The following DCDC2C variants were observed in gnomAD, a reference collection of about 807,000 sequenced individuals.
The protein encoded by DCDC2C is doublecortin domain containing 2C, also known as doublecortin domain-containing protein 2C.
A neutral mutation model predicts 45.0 loss-of-function variants in DCDC2C; 44 were observed. The observed-to-expected ratio is 0.98, with a 90% confidence interval of 0.77 to 1.26. The LOEUF (loss-of-function observed/expected upper bound fraction) is 1.26, where lower values mean the gene tolerates loss of function less well. DCDC2C is among the 50% of genes most tolerant of loss of function. DCDC2C has a pLI of 0.00. For missense variants in DCDC2C, 447 were observed against 468.9 expected (o/e 0.95, Z 0.43); for synonymous variants, 187 against 178.8 (o/e 1.05, Z -0.37).
chr2:3,781,259 A>G (rs1343513640), intron 9 of DCDC2C, among the ~76,000 whole-genome samples: 1 of 152,266 alleles, frequency 6.6e-6, no homozygotes, highest in African/African-American at 2.4e-5. Flanking sequence ...CCTGCTCTCA[A>G]TGAACTGTAG....
intron 10 of DCDC2C, among the ~76,000 whole-genome samples, chr2:3,798,789 T>C (rs1346495102): frequency 6.6e-6 from 1 of 152,168 alleles, no homozygotes; most frequent in Non-Finnish European, 1.5e-5. Context: ...CCTTTCTCTC[T>C]GGCTGTGCTT....
intron 10 of DCDC2C, among the ~76,000 whole-genome samples, chr2:3,832,824 T>G (rs1168671802): frequency 6.6e-6 from 1 of 152,340 alleles, no homozygotes; most frequent in East Asian, 1.9e-4. Flanking sequence ...TATACTGCAC[T>G]TCCCCAGAGG....
At chr2:3,747,077 G>A (rs73144849) in intron 4 of DCDC2C, among the ~76,000 whole-genome samples, 10,889 of 152,220 alleles carry the variant, frequency 0.072, 467 homozygotes, top group African/African-American at 0.12. Context: ...AGATGGCCCT[G>A]GTGGCTACAT....
In DCDC2C at chr2:3,797,545, G is replaced by A. The variant is rs548191046; in HGVS notation, c.1065+12445G>A. Among the ~76,000 whole-genome samples the A allele has an allele frequency of 9.5e-3, 1,364 of 144,092 alleles. 17 individuals carry two copies. The highest frequency in any genetic ancestry group is 0.033 in the African/African-American group (1,275 of 39,070). The allele number at this position is 144,092 out of a possible 152,430, so 94.5% of individuals were successfully genotyped here. ...TCCCTCTACACACTGCTTTGAATGCGTCCCAGAGATTCTGGTATGTTGTGT... is the reference window on the plus strand; with the variant it reads ...TCCCTCTACACACTGCTTTGAATGCATCCCAGAGATTCTGGTATGTTGTGT... On this transcript the variant is annotated intron_variant, in intron 10 of 10. Coordinates refer to ENST00000399143, the MANE Select transcript of DCDC2C (RefSeq NM_001287444.2).
intron 10 of DCDC2C, among the ~76,000 whole-genome samples, chr2:3,808,478 G>A (rs2148210441): frequency 1.3e-5 from 2 of 152,046 alleles, no homozygotes; most frequent in East Asian, 3.9e-4. Flanking sequence ...TGCAACCTCT[G>A]CCTCCCAGGT....
intron 10 of DCDC2C, among the ~76,000 whole-genome samples, chr2:3,842,637 TA>T (rs3067135): frequency 0.012 from 1,687 of 139,172 alleles, 22 homozygotes; most frequent in African/African-American, 0.039. Flanking sequence ...TAATTTGCAG[TA>T]AAAAAAAAAA....
intron 10 of DCDC2C, among the ~76,000 whole-genome samples, chr2:3,808,785 C>T (rs553683729): frequency 3.5e-4 from 53 of 152,332 alleles, no homozygotes; most frequent in East Asian, 7.7e-4. Flanking sequence ...TTTTCTCTCA[C>T]GGATTGTGCC....
At chr2:3,816,703 T>G (rs1671566911) in intron 10 of DCDC2C, among the ~76,000 whole-genome samples, 1 of 152,242 alleles carries the variant, frequency 6.6e-6, no homozygotes, top group South Asian at 2.1e-4. Flanking sequence ...CTATCCACTT[T>G]AAGAGAGACT....
intron 2 of DCDC2C, among the ~76,000 whole-genome samples, chr2:3,714,816 C>G (rs1668308418): frequency 6.6e-6 from 1 of 152,230 alleles, no homozygotes; most frequent in African/African-American, 2.4e-5. Context: ...AACCAATACT[C>G]ACTTCCACTA....
rs1405501131 is a variant in DCDC2C, at chr2:3,818,846, G to A, written c.1066-28308G>A. Among the ~76,000 whole-genome samples the A allele has an allele frequency of 6.6e-6, 1 of 152,140 alleles. No individual in the cohort carries two copies. Among genetic ancestry groups the A allele is most frequent in the Non-Finnish European group, 1.5e-5 (1 of 68,046 alleles). On this transcript the variant is annotated intron_variant, in intron 10 of 10. Transcript: ENST00000399143. This position sits in a 1 kb window ranked among gnomAD's most constrained non-coding sequence, Gnocchi z 4.7. Reference sequence around the variant, plus strand: ...TGTGGCTGTAGCCCAGGAATAGTCAGGGAAGTAGATAATTTAGTTAAAATG... The same window carrying A: ...TGTGGCTGTAGCCCAGGAATAGTCAAGGAAGTAGATAATTTAGTTAAAATG...
chr2:3,774,053 A>T (rs1670260247), intron 8 of DCDC2C, among the ~76,000 whole-genome samples: 1 of 152,216 alleles, frequency 6.6e-6, no homozygotes, highest in Non-Finnish European at 1.5e-5. Flanking sequence ...AGAGAAAGAG[A>T]TAAGAATAAG....
intron 2 of DCDC2C, 35 bp downstream of exon 2, chr2:3,708,635 A>G (rs1236880022): frequency 1.3e-6 from 2 of 1,490,930 alleles, no homozygotes; most frequent in Admixed American, 2.2e-5. Flanking sequence ...ATAATGGAAT[A>G]AATTGGCCAA....
At chr2:3,776,437 A>G (rs532916327) in intron 8 of DCDC2C, among the ~76,000 whole-genome samples, 1 of 152,118 alleles carries the variant, frequency 6.6e-6, no homozygotes, top group Non-Finnish European at 1.5e-5. Flanking sequence ...ACCAAACCCA[A>G]CACATTCCCC....
At chr2:3,813,462 T>C (rs1268972091) in intron 10 of DCDC2C, among the ~76,000 whole-genome samples, 1 of 152,088 alleles carries the variant, frequency 6.6e-6, no homozygotes, top group African/African-American at 2.4e-5. Flanking sequence ...TGAATATCCT[T>C]GTTAATTTTC....
intron 10 of DCDC2C, among the ~76,000 whole-genome samples, chr2:3,821,218 G>A (rs1490591983): frequency 6.6e-6 from 1 of 152,200 alleles, no homozygotes; most frequent in Non-Finnish European, 1.5e-5. Context: ...AATGTCATCA[G>A]TTAAGGCAGG....
intron 2 of DCDC2C, among the ~76,000 whole-genome samples, chr2:3,714,628 T>A (rs111893967): frequency 0.015 from 2,248 of 152,352 alleles, 65 homozygotes; most frequent in African/African-American, 0.052. Flanking sequence ...GTTGAATTTT[T>A]TAGATCACTG....
intron 3 of DCDC2C, among the ~76,000 whole-genome samples, chr2:3,735,660 A>G (rs1209377706): frequency 6.6e-6 from 1 of 152,194 alleles, no homozygotes; most frequent in Non-Finnish European, 1.5e-5. Flanking sequence ...TCATTTTCCC[A>G]GGTGAAGGTG....
At chr2:3,797,775 G>A (rs1671001078) in intron 10 of DCDC2C, among the ~76,000 whole-genome samples, 1 of 151,862 alleles carries the variant, frequency 6.6e-6, no homozygotes, top group African/African-American at 2.4e-5. Context: ...TTGCTGAGGA[G>A]AGCTTTACTT....
At chr2:3,829,029 TA>T (rs1671891833) in intron 10 of DCDC2C, among the ~76,000 whole-genome samples, 1 of 152,194 alleles carries the variant, frequency 6.6e-6, no homozygotes, top group Non-Finnish European at 1.5e-5. Context: ...TTATTTTCAC[TA>T]TCATTTTTCA....
Sources: gnomAD v4.1 joint callset for allele counts (sites outside exome capture counted in the v4.1 genomes callset) on GRCh38, gnomAD v4.1.1 for gene constraint, Gnocchi (gnomAD v3.1) non-coding constraint, MANE v1.5 for transcripts, NCBI Gene and HGNC (gene_info 2026-07-23, HGNC 2026-07-21) for gene names.